The following ILRUN variants were observed in gnomAD, a reference collection of about 807,000 sequenced individuals.
ILRUN encodes the protein protein ILRUN.
A neutral mutation model predicts 33.8 loss-of-function variants in ILRUN; 3 were observed. That is an observed-to-expected ratio of 0.09 (90% CI 0.04 to 0.23). The LOEUF (loss-of-function observed/expected upper bound fraction) is 0.23, where lower values mean the gene tolerates loss of function less well. Among genes scored for constraint, ILRUN ranks in the 10% least tolerant of loss-of-function variants. ILRUN has a pLI of 1.00. For synonymous variants in ILRUN, 124 were observed against 138.9 expected (o/e 0.89, Z 0.75); for missense variants, 210 against 375.1 (o/e 0.56, Z 3.64).
intron 3 of ILRUN, among the ~76,000 whole-genome samples, chr6:34,631,065 TTA>T (rs1762234668): frequency 6.6e-6 from 1 of 152,216 alleles, no homozygotes; most frequent in Non-Finnish European, 1.5e-5. Flanking sequence ...AGCATACTAT[TTA>T]TAGTTTTTAA....
chr6:34,599,449 C>A (rs772114831), intron 4 of ILRUN, among the ~76,000 whole-genome samples: 1 of 152,114 alleles, frequency 6.6e-6, no homozygotes, highest in Non-Finnish European at 1.5e-5. Flanking sequence ...CTGGTTGTTA[C>A]ACTGTGGGGA....
chr6:34,679,086 C>G (rs940589247), intron 1 of ILRUN, among the ~76,000 whole-genome samples: 1 of 150,242 alleles, frequency 6.7e-6, no homozygotes, highest in African/African-American at 2.5e-5. Context: ...CCCCATGACC[C>G]GCAATTTATC....
intron 3 of ILRUN, among the ~76,000 whole-genome samples, chr6:34,612,788 A>G (rs550968042): frequency 6.6e-6 from 1 of 152,274 alleles, no homozygotes; most frequent in Admixed American, 6.5e-5. Context: ...CACGCCTGCA[A>G]TCCCAGCATT....
At chr6:34,671,351 G>C (rs973107199) in intron 1 of ILRUN, among the ~76,000 whole-genome samples, 11 of 152,106 alleles carry the variant, frequency 7.2e-5, no homozygotes, top group Admixed American at 3.3e-4. Flanking sequence ...GCGCCGCTGC[G>C]CTCAAGCCTG....
intron 3 of ILRUN, among the ~76,000 whole-genome samples, chr6:34,613,451 A>G (rs1221841751): frequency 2.0e-5 from 3 of 152,232 alleles, no homozygotes; most frequent in Non-Finnish European, 4.4e-5. Context: ...GCATATACAC[A>G]TCTACAATTT....
chr6:34,614,696 T>C (rs750702789), intron 3 of ILRUN, among the ~76,000 whole-genome samples: 28 of 151,468 alleles, frequency 1.8e-4, no homozygotes, highest in Non-Finnish European at 2.1e-4. Context: ...TTCCAAAAAA[T>C]TGTATAGGGA....
At chr6:34,672,187 T>C (rs1582097636) in intron 1 of ILRUN, among the ~76,000 whole-genome samples, 1 of 151,904 alleles carries the variant, frequency 6.6e-6, no homozygotes, top group Admixed American at 6.6e-5. Flanking sequence ...ATTTCAAACT[T>C]TGCCTCCCGG....
chr6:34,605,870 C>T (rs1761619281), intron 4 of ILRUN, among the ~76,000 whole-genome samples: 1 of 152,156 alleles, frequency 6.6e-6, no homozygotes, highest in Non-Finnish European at 1.5e-5. Flanking sequence ...CAGGACTCCA[C>T]CACTTGAACC....
At chr6:34,683,982 T>TA (rs1165640046) in intron 1 of ILRUN, among the ~76,000 whole-genome samples, 2 of 151,836 alleles carry the variant, frequency 1.3e-5, no homozygotes, top group African/African-American at 4.8e-5. Flanking sequence ...GAGGATCACT[T>TA]AGAGCCCAGG....
At chr6:34,601,496 A>AG (rs60603265) in intron 4 of ILRUN, among the ~76,000 whole-genome samples, 2,170 of 152,302 alleles carry the variant, frequency 0.014, 36 homozygotes, top group African/African-American at 0.05. Context: ...CATAAGCACT[A>AG]GCCCAGTTGA....
intron 3 of ILRUN, among the ~76,000 whole-genome samples, chr6:34,637,147 T>C (rs1762380692): frequency 6.6e-6 from 1 of 152,222 alleles, no homozygotes; most frequent in Non-Finnish European, 1.5e-5. Flanking sequence ...TGCAGTAAGT[T>C]CTATTTGCAA....
Position 34,590,575 on chromosome 6 carries a change from C to T in ILRUN, c.887G>A (p.Gly296Asp), listed in dbSNP as rs1761275139. ...SKGLHGPYPF[G>D]QS ...CTTGCTGACACCCGTTTAAGACTGG[C>T]CGAAGGGGTAAGGCCCATGGAGCCC... Residue 296 changes from glycine (G) to aspartate (D), a missense_variant, in exon 5 of 5, where the codon GGC becomes GAC. Gly to Asp is a moderately conservative substitution (Grantham distance 94, BLOSUM62 -1). Transcript: ENST00000374023. The T allele has an allele frequency of 1.9e-6, 3 of 1,613,842 alleles. No homozygotes were observed. Among genetic ancestry groups the T allele is most frequent in the African/African-American group, 2.7e-5 (2 of 74,888 alleles).
chr6:34,604,474 T>C (rs1451682247), intron 4 of ILRUN, among the ~76,000 whole-genome samples: 1 of 152,170 alleles, frequency 6.6e-6, no homozygotes. Flanking sequence ...GCCAGAAAGC[T>C]CATAGGTGGG....
chr6:34,688,920 CA>C (rs1316940592), intron 1 of ILRUN, among the ~76,000 whole-genome samples: 2 of 152,138 alleles, frequency 1.3e-5, no homozygotes, highest in East Asian at 3.8e-4. Flanking sequence ...AAGATCACGT[CA>C]TTTCACTCCA....
chr6:34,627,911 C>G (rs1434109746), intron 3 of ILRUN, among the ~76,000 whole-genome samples: 1 of 152,196 alleles, frequency 6.6e-6, no homozygotes, highest in African/African-American at 2.4e-5. Context: ...GCCATGTCAG[C>G]CAGGCTGGAC....
intron 3 of ILRUN, among the ~76,000 whole-genome samples, chr6:34,608,989 A>G (rs1761689120): frequency 6.6e-6 from 1 of 152,244 alleles, no homozygotes; most frequent in Non-Finnish European, 1.5e-5. Flanking sequence ...AACCGTACTG[A>G]ACACAAATAC....
intron 3 of ILRUN, among the ~76,000 whole-genome samples, chr6:34,624,931 C>G (rs2127344079): frequency 6.6e-6 from 1 of 152,232 alleles, no homozygotes; most frequent in South Asian, 2.1e-4. Context: ...CTCTCTCTTC[C>G]CTCTCCTCCT....
chr6:34,605,445 T>G (rs1489862190), intron 4 of ILRUN, among the ~76,000 whole-genome samples: 1 of 148,176 alleles, frequency 6.7e-6, no homozygotes, highest in Non-Finnish European at 1.5e-5. Context: ...CCAGCCAACA[T>G]AGTGAAACCC....
chr6:34,680,395 C>T (rs1763334000), intron 1 of ILRUN, among the ~76,000 whole-genome samples: 1 of 152,060 alleles, frequency 6.6e-6, no homozygotes, highest in Admixed American at 6.6e-5. Context: ...ATTATTATCG[C>T]TTATTTTTTT....
Sources: allele counts gnomAD v4.1 joint callset (sites outside exome capture counted in the v4.1 genomes callset), GRCh38; gene constraint gnomAD v4.1.1; transcripts MANE v1.5; gene names NCBI Gene and HGNC (gene_info 2026-07-23, HGNC 2026-07-21).